NEURL2: variants seen among roughly 807,000 people sequenced by gnomAD.
The protein encoded by NEURL2 is neuralized-like protein 2.
A neutral mutation model predicts 15.9 loss-of-function variants in NEURL2; 16 were observed. That is an observed-to-expected ratio of 1.01 (90% CI 0.68 to 1.53). The LOEUF (loss-of-function observed/expected upper bound fraction) is 1.53, where lower values mean the gene tolerates loss of function less well. Among genes scored for constraint, NEURL2 ranks in the 40% most tolerant of loss-of-function variants. The pLI is 0.00. For missense variants in NEURL2, 393 were observed against 407.8 expected (o/e 0.96, Z 0.31); for synonymous variants, 188 against 178.3 (o/e 1.05, Z -0.43).
rs748488415 is a variant in NEURL2, at chr20:45,890,545, A to G, written c.447T>C (p.Ile149=). ...PTLLVEPYLR[I]EQFRIPRDRL... is the part of the protein sequence containing the mutation. Reference sequence around the variant, plus strand: ...GGTCCCGGGGAATGCGAAACTGCTCAATGCGCAGATATGGTTCCACGAGGA... The same window carrying G: ...GGTCCCGGGGAATGCGAAACTGCTCGATGCGCAGATATGGTTCCACGAGGA... Residue 149 remains isoleucine, a synonymous_variant, in exon 1 of 2, where the codon ATT becomes ATC. Coordinates refer to ENST00000372518, the MANE Select transcript of NEURL2 (RefSeq NM_080749.4). 1.2e-6 allele frequency: 2 copies of G among 1,610,548 alleles called. No individual in the cohort carries two copies. The highest frequency in any genetic ancestry group is 4.5e-5 in the East Asian group (2 of 44,802).
In NEURL2 at chr20:45,890,439, C is replaced by T. The variant is rs747472921; in HGVS notation, c.553G>A (p.Ala185Thr). The T allele has an allele frequency of 5.6e-6, 9 of 1,608,970 alleles. No individual in the cohort carries two copies. The South Asian group carries it at 8.8e-5, about 16-fold the overall frequency. ...LYELNVLPPTARRSRLGVLFC... is the reference protein window; with the variant it reads ...LYELNVLPPTTRRSRLGVLFC... Reference sequence around the variant, plus strand: ...AGGACACCCAGGCGGCTACGGCGCGCGGTCGGAGGCAGCACGTTCAGCTCA... The same window carrying T: ...AGGACACCCAGGCGGCTACGGCGCGTGGTCGGAGGCAGCACGTTCAGCTCA... The change falls in exon 1 of 2, where the codon GCG becomes ACG. Residue 185 changes from alanine (A) to threonine (T), a missense_variant. Transcript: ENST00000372518.
intron 1 of NEURL2, among the ~76,000 whole-genome samples, chr20:45,889,757 G>A (rs985939104): frequency 1.3e-5 from 2 of 152,128 alleles, no homozygotes; most frequent in Middle Eastern, 3.4e-3. Context: ...GGGATTATTG[G>A]CACATGCCAC....
Position 45,888,879 on chromosome 20 carries a change from GGAA to G in NEURL2, c.743-9_743-7del, listed in dbSNP as rs1601132256. The G allele has an allele frequency of 6.2e-7, 1 of 1,614,078 alleles. No individual in the cohort carries two copies. The highest frequency in any genetic ancestry group is 1.3e-5 in the African/African-American group (1 of 75,048). On this transcript the variant is annotated splice_polypyrimidine_tract_variant and splice_region_variant and intron_variant, in intron 1 of 1. Transcript: ENST00000372518. ...CAGAGTCTGCAGGGATGGCACTGTG[GGAA>G]GAAGACTGTGAAAGGCAAACTGAAC...
rs184484066 is a variant in NEURL2, at chr20:45,891,154, A to C, written c.-163T>G. ...CGCTTTCTCAGCCATCCCGCCTACA[A>C]CTTAGCCGTCCACAACAGGATCATC... On this transcript the variant is annotated 5_prime_UTR_variant, in exon 1 of 2. Coordinates refer to ENST00000372518, the MANE Select transcript of NEURL2 (RefSeq NM_080749.4). This position sits in a 1 kb window ranked among gnomAD's most constrained non-coding sequence, Gnocchi z 4.6. The C allele has an allele frequency of 0.012, 11,696 of 1,005,012 alleles. 381 individuals are homozygous for C. The highest frequency in any genetic ancestry group is 0.11 in the Admixed American group (4,576 of 40,680). 62.3% of individuals were successfully genotyped at this position (1,005,012 alleles called of 1,614,324 possible).
Position 45,891,120 on chromosome 20 carries a change from T to G in NEURL2, c.-129A>C. On this transcript the variant is annotated 5_prime_UTR_variant, in exon 1 of 2. Transcript: ENST00000372518. The surrounding 1 kb of genome is among the most constrained non-coding windows in gnomAD (Gnocchi z 4.6). ...CCTTCCCCGAGCCTCTGCCCGGGGG[T>G]CCTAGCGCCGCTTTCTCAGCCATCC... is the stretch of plus-strand genomic sequence containing the variant. 1 of 1,099,882 alleles carries G rather than the reference T, an allele frequency of 9.1e-7. No homozygotes were observed. Among genetic ancestry groups the G allele is most frequent in the Middle Eastern group, 2.9e-4 (1 of 3,436 alleles). The allele number at this position is 1,099,882 out of a possible 1,614,324, so 68.1% of individuals were successfully genotyped here.
In NEURL2 at chr20:45,890,610, G is replaced by A. The variant is rs751615450; in HGVS notation, c.382C>T (p.Pro128Ser). 1.9e-6 allele frequency: 3 copies of A among 1,612,798 alleles called. No homozygotes were observed. In the South Asian group the frequency reaches 3.3e-5, roughly 18 times the overall value. ...HHNRVPREGR[P>S]EAEAAAPSRP... ...CTGGGGGCCGCTGCCTCCGCCTCCG[G>A]GCGGCCCTCCCGGGGCACGCGGTTG... Residue 128 changes from proline (P) to serine (S), a missense_variant, in exon 1 of 2, where the codon CCG becomes TCG. Transcript: ENST00000372518.
Sources: allele counts gnomAD v4.1 joint callset (sites outside exome capture counted in the v4.1 genomes callset), GRCh38; gene constraint gnomAD v4.1.1; non-coding constraint Gnocchi (gnomAD v3.1); transcripts MANE v1.5; gene names NCBI Gene and HGNC (gene_info 2026-07-23, HGNC 2026-07-21).